The following SNX32 variants were observed in gnomAD, a reference collection of about 807,000 sequenced individuals.
SNX32 encodes sorting nexin-32.
A neutral mutation model predicts 57.0 loss-of-function variants in SNX32; 58 were observed. The observed-to-expected ratio is 1.02, with a 90% confidence interval of 0.82 to 1.27. SNX32 has a LOEUF of 1.27. SNX32 is among the 50% of genes most tolerant of loss of function. The pLI, the probability that SNX32 is intolerant of heterozygous loss-of-function variation, is 0.00. For missense variants in SNX32, 589 were observed against 541.2 expected (o/e 1.09, Z -0.88); for synonymous variants, 262 against 220.4 (o/e 1.19, Z -1.67).
chr11:65,835,017 G>A (rs1359120798), intron 1 of SNX32, among the ~76,000 whole-genome samples: 6 of 150,498 alleles, frequency 4.0e-5, no homozygotes, highest in African/African-American at 1.5e-4. Flanking sequence ...CTCTGTGCCT[G>A]TGTGTTTGTG....
chr11:65,839,247 T>TTTTTTTTTTTTTTTA (rs71036248), intron 1 of SNX32, among the ~76,000 whole-genome samples: 1 of 88,028 alleles, frequency 1.1e-5, no homozygotes, highest in Non-Finnish European at 2.3e-5. Context: ...TTTTTTTTTT[T>TTTTTTTTTTTTTTTA]GAGACGGAGT....
intron 1 of SNX32, among the ~76,000 whole-genome samples, chr11:65,844,782 C>T (rs1858941624): frequency 6.6e-6 from 1 of 151,712 alleles, no homozygotes; most frequent in South Asian, 2.1e-4. Flanking sequence ...GCCTGGCCAA[C>T]ATGGCGAAAC....
At chr11:65,844,898 G>A (rs902970029) in intron 1 of SNX32, among the ~76,000 whole-genome samples, 6 of 151,402 alleles carry the variant, frequency 4.0e-5, no homozygotes, top group East Asian at 1.9e-4. Flanking sequence ...CCTGGGAGGC[G>A]GAGGTTGCTG....
At chr11:65,842,406 T>TA (rs1383496795) in intron 1 of SNX32, among the ~76,000 whole-genome samples, 5 of 152,214 alleles carry the variant, frequency 3.3e-5, no homozygotes, top group African/African-American at 1.2e-4. Flanking sequence ...TCCAGCACTT[T>TA]AGGAGGCCGA....
In SNX32 at chr11:65,849,221, TCTC is replaced by T. The variant is rs1486058089; in HGVS notation, c.37-253_37-251del. On this transcript the variant is annotated intron_variant, in intron 1 of 12. Coordinates refer to ENST00000308342, the MANE Select transcript of SNX32 (RefSeq NM_152760.3). Reference sequence around the variant, plus strand: ...GCTGCATAACCTTGGACAAGTTACTTCTCCTCTGGTTGTCTCAGCTTCAACAGC... The same window carrying T: ...GCTGCATAACCTTGGACAAGTTACTTCTCTGGTTGTCTCAGCTTCAACAGC... Among the ~76,000 whole-genome samples, 11 of 152,300 alleles carry T rather than the reference TCTC, an allele frequency of 7.2e-5. No homozygotes were observed. The South Asian group carries it at 1.2e-3, about 17-fold the overall frequency.
Position 65,849,964 on chromosome 11 carries a change from G to A in SNX32, c.186G>A (p.Arg62=). ...HFAQTEFSVV[R]QHEEFIWLHD... ...CCCAGACCGAGTTCTCAGTCGTGCG[G>A]CAGCACGAGGAGTTCATCTGGCTGC... is the stretch of plus-strand genomic sequence containing the variant. The change falls in exon 3 of 13, where the codon CGG becomes CGA. Residue 62 remains arginine, a synonymous_variant. Transcript: ENST00000308342. 2 of 1,604,312 alleles carry A rather than the reference G, an allele frequency of 1.2e-6. No individual in the cohort carries two copies. The highest frequency in any genetic ancestry group is 1.7e-6 in the Non-Finnish European group (2 of 1,173,160).
chr11:65,852,543 G>A lies in SNX32; in HGVS notation c.904G>A (p.Ala302Thr). The A allele has an allele frequency of 6.2e-7, 1 of 1,614,240 alleles. No individual in the cohort carries two copies. The highest frequency in any genetic ancestry group is 8.5e-7 in the Non-Finnish European group (1 of 1,180,046). Reference protein sequence around the residue: ...MLRYYMRDSQAAKDLLYRRLR... With the variant: ...MLRYYMRDSQTAKDLLYRRLR... Reference sequence around the variant, plus strand: ...GAGGTACTACATGCGTGACTCACAGGCAGCCAAGGTGAGAGGCAGCCCCAG... The same window carrying A: ...GAGGTACTACATGCGTGACTCACAGACAGCCAAGGTGAGAGGCAGCCCCAG... The change falls in exon 10 of 13, where the codon GCA becomes ACA. Residue 302 changes from alanine to threonine, a missense_variant. Coordinates refer to ENST00000308342, the MANE Select transcript of SNX32 (RefSeq NM_152760.3).
Position 65,850,176 on chromosome 11 carries a change from C to T in SNX32, c.279C>T (p.Asp93=), listed in dbSNP as rs1282641783. 2.5e-6 allele frequency: 4 copies of T among 1,614,242 alleles called. No homozygotes were observed. The highest frequency in any genetic ancestry group is 1.7e-5 in the Admixed American group (1 of 60,032). Residue 93 remains aspartate, a synonymous_variant, in exon 4 of 13, where the codon GAC becomes GAT. Transcript: ENST00000308342. ...TCCCCCCAGCCCCTCCGAGGCCAGA[C>T]TTTGAGGCTTCGAGGGAAAAGCTAC... ...LIIPPAPPRP[D]FEASREKLQK...
At chr11:65,853,072 T>C in intron 12 of SNX32, 114 bp downstream of exon 12, 1 of 1,278,018 alleles carries the variant, frequency 7.8e-7, no homozygotes, top group Non-Finnish European at 1.1e-6. Context: ...TGTATGCGCG[T>C]GTGTGTGCAT....
chr11:65,834,572 CTGTGTA>C (rs1334353574), intron 1 of SNX32, among the ~76,000 whole-genome samples: 133 of 143,136 alleles, frequency 9.3e-4, no homozygotes, highest in African/African-American at 3.4e-3. Context: ...GTGTCTGTGT[CTGTGTA>C]TGGTCTGCGT....
At chr11:65,849,151 C>G (rs957720386) in intron 1 of SNX32, among the ~76,000 whole-genome samples, 2 of 152,258 alleles carry the variant, frequency 1.3e-5, no homozygotes, top group Non-Finnish European at 1.5e-5. Context: ...AAAAAACAAA[C>G]AAAGAAACAA....
intron 1 of SNX32, 88 bp downstream of exon 1, chr11:65,834,189 CTGTG>C (rs1000594143): frequency 7.3e-6 from 3 of 409,270 alleles, no homozygotes; most frequent in Admixed American, 4.2e-5. Flanking sequence ...GTGTGTGTGT[CTGTG>C]TGTGTGTGGT....
At position 65,850,006 on chromosome 11, in the gene SNX32, G is replaced by T. The variant is rs541868573; in HGVS notation, c.228G>T (p.Glu76Asp). 7 of 1,613,870 alleles carry T rather than the reference G, an allele frequency of 4.3e-6. No individual in the cohort carries two copies. Among genetic ancestry groups the T allele is most frequent in the Middle Eastern group, 1.6e-4 (1 of 6,084 alleles). Residue 76 changes from glutamate to aspartate, a missense_variant, in exon 3 of 13, where the codon GAG (glutamate) becomes GAT (aspartate). By Grantham distance (45) the Glu-to-Asp change is conservative (BLOSUM62 2). Transcript: ENST00000308342. ...EFIWLHDAYVENEEYAGLIIP... is the reference protein window; with the variant it reads ...EFIWLHDAYVDNEEYAGLIIP... ...TCTGGCTGCATGATGCCTACGTGGA[G>T]AATGAGGAGTACGCCGGCCTCATCG...
chr11:65,835,824 G>C (rs370024298), intron 1 of SNX32, among the ~76,000 whole-genome samples: 1 of 152,058 alleles, frequency 6.6e-6, no homozygotes, highest in Non-Finnish European at 1.5e-5. Flanking sequence ...AATGAGGAGC[G>C]GGGTTCAAGT....
Position 65,853,384 on chromosome 11 carries a change from G to C in SNX32, c.*49G>C. The C allele has an allele frequency of 1.9e-6, 3 of 1,590,118 alleles. No homozygotes were observed. Among genetic ancestry groups the C allele is most frequent in the Non-Finnish European group, 2.6e-6 (3 of 1,158,864 alleles). The stretch of plus-strand genomic sequence containing the variant: ...CTAATCTGGGATCTCCAGTGACCAG[G>C]GTATCCCAGACCCCTCTCTCCGGCA... On this transcript the variant is annotated 3_prime_UTR_variant, in exon 13 of 13. Transcript: ENST00000308342.
At chr11:65,838,252 T>A (rs1858728325) in intron 1 of SNX32, among the ~76,000 whole-genome samples, 1 of 151,924 alleles carries the variant, frequency 6.6e-6, no homozygotes, top group African/African-American at 2.4e-5. Flanking sequence ...CATTTTATAA[T>A]GATGAAAGAC....
In SNX32 at chr11:65,852,478, G is replaced by C. The variant is rs1489982529; in HGVS notation, c.839G>C (p.Arg280Pro). ...TTTCTGATGCAGAAGCTGGAGGGCC[G>C]GGTGGCTTCCGATGAGGACCTGAAG... is the stretch of plus-strand genomic sequence containing the variant. Reference protein sequence around the residue: ...LFERLRKLEGRVASDEDLKLS... With the variant: ...LFERLRKLEGPVASDEDLKLS... The change falls in exon 10 of 13, where the codon CGG becomes CCG. Residue 280 changes from arginine to proline, a missense_variant. Physicochemically the swap from Arg to Pro is moderately radical, Grantham distance 103 (BLOSUM62 -2). Coordinates refer to ENST00000308342, the MANE Select transcript of SNX32 (RefSeq NM_152760.3). 1.2e-6 allele frequency: 2 copies of C among 1,614,160 alleles called. No homozygotes were observed. The highest frequency in any genetic ancestry group is 1.7e-6 in the Non-Finnish European group (2 of 1,180,036).
chr11:65,849,473 C>T lies in SNX32; in HGVS notation c.37-5C>T, dbSNP rs781364958. On this transcript the variant is annotated splice_polypyrimidine_tract_variant and splice_region_variant and intron_variant, in intron 1 of 12. Transcript: ENST00000308342. ...GCCAGGCCAGAGACCTCCCCTCCTC[C>T]GCAGCCTTCCTGTGCATCGGTGGAT... 38 of 1,605,006 alleles carry T rather than the reference C, an allele frequency of 2.4e-5. No homozygotes were observed. The highest frequency in any genetic ancestry group is 3.4e-5 in the Admixed American group (2 of 59,584).
chr11:65,853,435 A>G lies in SNX32; in HGVS notation c.*100A>G. ...AGATGTCTCCTTCCCTAGCAGTGCC[A>G]CTAGCCACACCCTCACTCTGCCCCA... On this transcript the variant is annotated 3_prime_UTR_variant, in exon 13 of 13. Transcript: ENST00000308342. 8.4e-7 allele frequency: 1 copy of G among 1,185,802 alleles called. No individual in the cohort carries two copies. Among genetic ancestry groups the G allele is most frequent in the South Asian group, 1.2e-5 (1 of 81,398 alleles). The allele number at this position is 1,185,802 out of a possible 1,614,324, so 73.5% of individuals were successfully genotyped here. A position where few individuals can be genotyped will look rare whatever the true frequency, so the allele number is the denominator to read the frequency against.
Sources: gnomAD v4.1 joint callset for allele counts (sites outside exome capture counted in the v4.1 genomes callset) on GRCh38, gnomAD v4.1.1 for gene constraint, MANE v1.5 for transcripts, NCBI Gene and HGNC (gene_info 2026-07-23, HGNC 2026-07-21) for gene names.